Variants in DLG2 observed in about 807,000 individuals in gnomAD.
DLG2 encodes the protein discs large MAGUK scaffold protein 2, also known as disks large homolog 2.
A neutral mutation model predicts 132.5 loss-of-function variants in DLG2; 45 were observed. That is an observed-to-expected ratio of 0.34 (90% CI 0.27 to 0.44). DLG2 has a LOEUF of 0.44. Among genes scored for constraint, DLG2 ranks in the 20% least tolerant of loss-of-function variants. DLG2 has a pLI of 1.00. For missense variants in DLG2, 1,045 were observed against 1,196.9 expected (o/e 0.87, Z 1.87); for synonymous variants, 424 against 419.6 (o/e 1.01, Z -0.13).
chr11:84,109,797 A>T (rs2093229384), intron 9 of DLG2, among the ~76,000 whole-genome samples: 1 of 152,240 alleles, frequency 6.6e-6, no homozygotes, highest in Admixed American at 6.5e-5. Context: ...AGAGATGTCT[A>T]TTTAGACTGG....
At chr11:84,162,642 A>G (rs2095572581) in intron 9 of DLG2, among the ~76,000 whole-genome samples, 1 of 152,074 alleles carries the variant, frequency 6.6e-6, no homozygotes, top group Non-Finnish European at 1.5e-5. Context: ...TTCATTTTAA[A>G]GGCTTTTAAT....
At chr11:83,852,986 C>T (rs1439915115) in intron 16 of DLG2, among the ~76,000 whole-genome samples, 2 of 152,170 alleles carry the variant, frequency 1.3e-5, no homozygotes, top group East Asian at 1.9e-4. Context: ...TAACTATTTC[C>T]TTTAGTCACA....
At chr11:84,769,183 G>A (rs1338306781) in intron 6 of DLG2, among the ~76,000 whole-genome samples, 2 of 152,010 alleles carry the variant, frequency 1.3e-5, no homozygotes, top group East Asian at 3.9e-4. Flanking sequence ...TTCGAAGCAT[G>A]TATTTCAAGG....
rs144467771 is a variant in DLG2 at position 83,752,333 on chromosome 11, A to G, written c.1825+34357T>C. Reference sequence around the variant, plus strand: ...TCCAAATTACAGGTTTTAACAATGAAGGTGAACTTCCTTCCCTCCCCATTC... The same window carrying G: ...TCCAAATTACAGGTTTTAACAATGAGGGTGAACTTCCTTCCCTCCCCATTC... On this transcript the variant is annotated intron_variant, in intron 18 of 27. Transcript: ENST00000376104. 4.6e-5 allele frequency among the ~76,000 whole-genome samples: 7 copies of G among 152,242 alleles called. 1 individual carries two copies. Among genetic ancestry groups the G allele is most frequent in the African/African-American group, 1.7e-4 (7 of 41,568 alleles).
intron 3 of DLG2, among the ~76,000 whole-genome samples, chr11:85,488,751 G>T (rs958118987): frequency 6.6e-6 from 1 of 152,154 alleles, no homozygotes; most frequent in African/African-American, 2.4e-5. Flanking sequence ...TCTATATCTA[G>T]CAAGATTAAT....
chr11:84,331,899 G>T (rs929642064), intron 7 of DLG2, among the ~76,000 whole-genome samples: 2 of 152,102 alleles, frequency 1.3e-5, no homozygotes, highest in African/African-American at 2.4e-5. Flanking sequence ...TTGGTGTTGG[G>T]TCCGAGACAT....
chr11:84,752,044 G>C (rs557994361), intron 6 of DLG2, among the ~76,000 whole-genome samples: 1 of 152,114 alleles, frequency 6.6e-6, no homozygotes, highest in East Asian at 1.9e-4. Flanking sequence ...GCCGAGTCCA[G>C]GGAAATATTC....
chr11:84,167,916 T>C (rs1444693209), intron 8 of DLG2, among the ~76,000 whole-genome samples: 1 of 152,222 alleles, frequency 6.6e-6, no homozygotes, highest in East Asian at 1.9e-4. Context: ...TCCACCCACC[T>C]TGGCCTCCCA....
chr11:84,689,112 T>C (rs2057712566), intron 6 of DLG2, among the ~76,000 whole-genome samples: 1 of 152,150 alleles, frequency 6.6e-6, no homozygotes, highest in African/African-American at 2.4e-5. Context: ...TTTTTCAACA[T>C]TCAAAAACGT....
Position 85,149,848 on chromosome 11 carries a change from C to T in DLG2, c.282+4708G>A, listed in dbSNP as rs73525443. On this transcript the variant is annotated intron_variant, in intron 5 of 27. Transcript: ENST00000376104. ...TATATATCCTACAACTTGAGGCTTT[C>T]CAGCAGATGACAGAATCCCTTTTAG... Among the ~76,000 whole-genome samples, 394 of 152,030 alleles carry T rather than the reference C, an allele frequency of 2.6e-3. 4 individuals carry two copies. The highest frequency in any genetic ancestry group is 9.2e-3 in the African/African-American group (382 of 41,468).
chr11:83,817,784 G>A (rs1311664071), intron 17 of DLG2, among the ~76,000 whole-genome samples: 1 of 152,108 alleles, frequency 6.6e-6, no homozygotes, highest in Non-Finnish European at 1.5e-5. Flanking sequence ...GTTGAGGTGA[G>A]AGGATTGCGT....
At chr11:83,574,426 T>C (rs1196095827) in intron 19 of DLG2, among the ~76,000 whole-genome samples, 3 of 152,166 alleles carry the variant, frequency 2.0e-5, no homozygotes, top group Non-Finnish European at 4.4e-5. Flanking sequence ...GACAGTATTT[T>C]TTAAGGTTGG....
chr11:85,163,397 AAT>A (rs1459591795), intron 4 of DLG2, among the ~76,000 whole-genome samples: 1 of 152,196 alleles, frequency 6.6e-6, no homozygotes, highest in Non-Finnish European at 1.5e-5. Flanking sequence ...TGGCCAGAGA[AAT>A]ATAAAAATAC....
chr11:85,051,956 T>A (rs925316539), intron 6 of DLG2, among the ~76,000 whole-genome samples: 2 of 152,136 alleles, frequency 1.3e-5, no homozygotes, highest in African/African-American at 4.8e-5. Context: ...GTAGGTCTTA[T>A]CAATCAAAGT....
At chr11:85,512,837 T>C (rs1394228112) in intron 3 of DLG2, among the ~76,000 whole-genome samples, 1 of 152,114 alleles carries the variant, frequency 6.6e-6, no homozygotes, top group Non-Finnish European at 1.5e-5. Flanking sequence ...ATCCCATTAC[T>C]GGTAATATAC....
rs2086712124 is a variant in DLG2, at chr11:85,390,553, C to T, written c.41-105188G>A. ...TACCCAACAACTGCAGAACAAGTCT[C>T]AACAAATTTAAGAAAATCTAAATTA... On this transcript the variant is annotated intron_variant, in intron 3 of 27. Coordinates refer to ENST00000376104, the MANE Select transcript of DLG2 (RefSeq NM_001142699.3). Among the ~76,000 whole-genome samples the T allele has an allele frequency of 2.6e-5, 4 of 151,504 alleles. No homozygotes were observed. The South Asian group carries it at 6.2e-4, about 24-fold the overall frequency.
chr11:85,421,525 A>C (rs561273552), intron 3 of DLG2, among the ~76,000 whole-genome samples: 1 of 149,386 alleles, frequency 6.7e-6, no homozygotes, highest in East Asian at 2.0e-4. Context: ...GTCTTTTTTC[A>C]CCCGTTTACC....
intron 3 of DLG2, among the ~76,000 whole-genome samples, chr11:85,448,700 A>G (rs2092114263): frequency 6.6e-6 from 1 of 152,160 alleles, no homozygotes; most frequent in South Asian, 2.1e-4. Flanking sequence ...TCTATTTAGG[A>G]TCCAGGAAAT....
intron 6 of DLG2, among the ~76,000 whole-genome samples, chr11:84,575,313 T>G (rs917950138): frequency 1.3e-5 from 2 of 152,150 alleles, no homozygotes; most frequent in Non-Finnish European, 2.9e-5. Flanking sequence ...TCCTCCTGAT[T>G]GTGCATGCCT....
Sources: allele counts gnomAD v4.1 joint callset (sites outside exome capture counted in the v4.1 genomes callset), GRCh38; gene constraint gnomAD v4.1.1; transcripts MANE v1.5; gene names NCBI Gene and HGNC (gene_info 2026-07-23, HGNC 2026-07-21).